NUDCD3: variants seen among roughly 807,000 people sequenced by gnomAD.
NUDCD3 encodes the protein nudC domain-containing protein 3.
NUDCD3 carries 13 observed loss-of-function variants against 39.7 expected under a neutral mutation model. The observed-to-expected ratio is 0.33, with a 90% CI of 0.21 to 0.52. The LOEUF (loss-of-function observed/expected upper bound fraction) is 0.52. NUDCD3 is among the 20% of genes least tolerant of loss of function. NUDCD3 has a pLI of 0.96. For missense variants in NUDCD3, 453 were observed against 458.1 expected, an observed-to-expected ratio of 0.99 and a Z score of 0.10; for synonymous variants, 175 against 172.4, an observed-to-expected ratio of 1.02 and a Z score of -0.12.
intron 2 of NUDCD3, among the ~76,000 whole-genome samples, chr7:44,460,179 A>C (rs1038577457): frequency 6.6e-6 from 1 of 152,246 alleles, no homozygotes; most frequent in African/African-American, 2.4e-5. Context: ...GCAGTGAATA[A>C]GAAAATGTGA....
At chr7:44,426,795 CAA>C (rs777817601) in intron 3 of NUDCD3, among the ~76,000 whole-genome samples, 5 of 54,774 alleles carry the variant, frequency 9.1e-5, no homozygotes, top group Admixed American at 6.1e-4. Context: ...GACTCCGTCT[CAA>C]AAAAAAAAAA....
At chr7:44,456,252 C>A in intron 2 of NUDCD3, among the ~76,000 whole-genome samples, 1 of 150,884 alleles carries the variant, frequency 6.6e-6, no homozygotes, top group East Asian at 1.9e-4. Context: ...AAAAATGAAA[C>A]TAGTGATCAA....
At chr7:44,490,284 C>T (rs1174193054) in intron 1 of NUDCD3, 125 bp downstream of exon 1, 1 of 947,876 alleles carries the variant, frequency 1.1e-6, no homozygotes, top group African/African-American at 1.7e-5. Context: ...GCCATTCTCA[C>T]AAGCTCAACC....
At chr7:44,437,671 T>C (rs780166810) in intron 2 of NUDCD3, among the ~76,000 whole-genome samples, 12 of 152,216 alleles carry the variant, frequency 7.9e-5, no homozygotes, top group Admixed American at 3.3e-4. Flanking sequence ...AAGAAGTATA[T>C]TTGAAAATGT....
chr7:44,392,990 C>T (rs1029195397), intron 4 of NUDCD3, among the ~76,000 whole-genome samples: 1 of 152,132 alleles, frequency 6.6e-6, no homozygotes, highest in African/African-American at 2.4e-5. Flanking sequence ...CAACATTCTG[C>T]TATCTTAGGG....
At chr7:44,394,417 C>CT (rs1264150357) in intron 4 of NUDCD3, among the ~76,000 whole-genome samples, 5 of 152,196 alleles carry the variant, frequency 3.3e-5, no homozygotes, top group African/African-American at 1.2e-4. Context: ...ACACTACAAA[C>CT]TCTACCTCGT....
At chr7:44,433,959 A>G (rs1799418479) in intron 2 of NUDCD3, among the ~76,000 whole-genome samples, 2 of 152,122 alleles carry the variant, frequency 1.3e-5, no homozygotes, top group Admixed American at 6.5e-5. Context: ...TTCTCTGCCT[A>G]TGCTCAATCT....
chr7:44,488,448 G>C (rs1800664002), intron 1 of NUDCD3, among the ~76,000 whole-genome samples: 1 of 151,662 alleles, frequency 6.6e-6, no homozygotes, highest in South Asian at 2.1e-4. Context: ...GGAGACTGTT[G>C]TCCCCTTGGT....
intron 3 of NUDCD3, among the ~76,000 whole-genome samples, chr7:44,413,775 G>A (rs80355736): frequency 0.011 from 1,669 of 152,230 alleles, 11 homozygotes; most frequent in Non-Finnish European, 0.017. Flanking sequence ...AATACAGGCC[G>A]GGTGTGGTGG....
Position 44,423,761 on chromosome 7 carries a change from T to C in NUDCD3, c.642+3810A>G, listed in dbSNP as rs535666986. ...CAATGCTATTCCCACCAACCTACCA[T>C]TGACTTTCTTCACAGAACTAGAAAA... On this transcript the variant is annotated intron_variant, in intron 3 of 5. Transcript: ENST00000355451. Among the ~76,000 whole-genome samples the C allele has an allele frequency of 2.0e-4, 30 of 152,266 alleles. 1 individual carries two copies. The highest frequency in any genetic ancestry group is 6.3e-4 in the African/African-American group (26 of 41,550).
intron 2 of NUDCD3, among the ~76,000 whole-genome samples, chr7:44,449,188 G>T (rs537170047): frequency 6.6e-6 from 1 of 152,172 alleles, no homozygotes; most frequent in Non-Finnish European, 1.5e-5. Flanking sequence ...ACGTTTAAGG[G>T]GTGGAAACAA....
At chr7:44,452,044 G>A (rs1245933445) in intron 2 of NUDCD3, among the ~76,000 whole-genome samples, 1 of 152,222 alleles carries the variant, frequency 6.6e-6, no homozygotes, top group East Asian at 1.9e-4. Flanking sequence ...GTGCTACGAG[G>A]ATGGTGGCTG....
intron 2 of NUDCD3, among the ~76,000 whole-genome samples, chr7:44,430,142 T>C (rs773784394): frequency 2.0e-5 from 3 of 152,190 alleles, no homozygotes; most frequent in Non-Finnish European, 4.4e-5. Context: ...CCAAACTCCC[T>C]AGAATATGTA....
At chr7:44,401,383 T>C (rs1798723244) in intron 4 of NUDCD3, among the ~76,000 whole-genome samples, 1 of 152,178 alleles carries the variant, frequency 6.6e-6, no homozygotes, top group Non-Finnish European at 1.5e-5. Flanking sequence ...AACAAACGCC[T>C]TAGCTCCTGT....
intron 4 of NUDCD3, among the ~76,000 whole-genome samples, chr7:44,400,156 G>A (rs1033691615): frequency 4.6e-5 from 7 of 152,196 alleles, no homozygotes; most frequent in African/African-American, 7.2e-5. Flanking sequence ...GGGACTGAAC[G>A]AGCTATCGGA....
intron 3 of NUDCD3, among the ~76,000 whole-genome samples, chr7:44,411,873 G>T (rs889713784): frequency 8.5e-5 from 13 of 152,256 alleles, no homozygotes; most frequent in African/African-American, 2.9e-4. Context: ...TAAAGGGAAA[G>T]ATTGGAGGTA....
chr7:44,490,638 G>A lies in NUDCD3; in HGVS notation c.-38C>T, dbSNP rs1353519929. On this transcript the variant is annotated 5_prime_UTR_variant, in exon 1 of 6. Transcript: ENST00000355451. ...CCTAGGTACGCTTCACACACACAGCGCCGCCTCAGACCTGCCGACTGGCCA... is the reference window on the plus strand; with the variant it reads ...CCTAGGTACGCTTCACACACACAGCACCGCCTCAGACCTGCCGACTGGCCA... 9.0e-6 allele frequency: 14 copies of A among 1,554,540 alleles called. No individual in the cohort carries two copies.
At chr7:44,401,836 A>T (rs1798732716) in intron 4 of NUDCD3, among the ~76,000 whole-genome samples, 1 of 152,208 alleles carries the variant, frequency 6.6e-6, no homozygotes, top group Non-Finnish European at 1.5e-5. Context: ...ACACAGGTGG[A>T]GACAGGCCTG....
rs1444142108 is a variant in NUDCD3 at position 44,490,641 on chromosome 7, G to A, written c.-41C>T. The A allele has an allele frequency of 1.9e-6, 3 of 1,539,976 alleles. No individual in the cohort carries two copies. The South Asian group carries it at 3.6e-5, about 19-fold the overall frequency. ...AGGTACGCTTCACACACACAGCGCCGCCTCAGACCTGCCGACTGGCCACTT... is the reference window on the plus strand; with the variant it reads ...AGGTACGCTTCACACACACAGCGCCACCTCAGACCTGCCGACTGGCCACTT... On this transcript the variant is annotated 5_prime_UTR_variant, in exon 1 of 6. Coordinates refer to ENST00000355451, the MANE Select transcript of NUDCD3 (RefSeq NM_015332.4).
Sources: gnomAD v4.1 joint callset for allele counts (sites outside exome capture counted in the v4.1 genomes callset) on GRCh38, gnomAD v4.1.1 for gene constraint, MANE v1.5 for transcripts, NCBI Gene and HGNC (gene_info 2026-07-23, HGNC 2026-07-21) for gene names.